Variants in PIK3C3 observed in about 807,000 individuals in gnomAD.
PIK3C3 encodes the protein PI3-kinase type 3.
In PIK3C3, 95 loss-of-function variants were observed where a neutral mutation model predicts 126.1. The ratio of observed to expected loss-of-function variants is 0.75; its 90% CI spans 0.64 to 0.89. The LOEUF (loss-of-function observed/expected upper bound fraction) is 0.89, where lower values mean the gene tolerates loss of function less well. PIK3C3 is among the 40% of genes least tolerant of loss of function. The pLI, the probability that PIK3C3 is intolerant of heterozygous loss-of-function variation, is 0.00. For missense variants in PIK3C3, 829 were observed against 1,063.2 expected, an observed-to-expected ratio of 0.78 and a Z score of 3.06; for synonymous variants, 374 against 360.0, an observed-to-expected ratio of 1.04 and a Z score of -0.44.
At chr18:42,077,749 C>T (rs1598963936) in intron 24 of PIK3C3, among the ~76,000 whole-genome samples, 1 of 152,190 alleles carries the variant, frequency 6.6e-6, no homozygotes, top group Admixed American at 6.5e-5. Flanking sequence ...GATATTTTCA[C>T]CTCCTCCTAT....
intron 10 of PIK3C3, among the ~76,000 whole-genome samples, chr18:42,012,767 T>C (rs1028911773): frequency 2.6e-5 from 4 of 152,174 alleles, no homozygotes; most frequent in Admixed American, 6.5e-5. Flanking sequence ...TTGTCACTTA[T>C]GGAAAATTTA....
chr18:42,057,811 T>A, intron 21 of PIK3C3, 72 bp from the exon 22 acceptor site: 1 of 1,296,966 alleles, frequency 7.7e-7, no homozygotes, highest in East Asian at 2.3e-5. Flanking sequence ...TTTATATCAA[T>A]TGTGTGACAT....
intron 21 of PIK3C3, among the ~76,000 whole-genome samples, chr18:42,053,576 G>A (rs1984901073): frequency 1.3e-5 from 2 of 152,062 alleles, no homozygotes; most frequent in African/African-American, 4.8e-5. Flanking sequence ...GCTAGGCTGT[G>A]GTGTGGAGTT....
At chr18:42,040,596 G>A in intron 18 of PIK3C3, 81 bp from the exon 19 acceptor site, 2 of 918,472 alleles carry the variant, frequency 2.2e-6, no homozygotes, top group East Asian at 2.5e-5. Flanking sequence ...ATTCAGAGAT[G>A]AGGATTATTC....
rs561365133 is a variant in PIK3C3, at chr18:42,065,426, G to A, written c.2523+596G>A. On this transcript the variant is annotated intron_variant, in intron 23 of 24. Transcript: ENST00000262039. ...TAAAACTAGGAAGGAAGAACAAAAT[G>A]AAAATTATGGAACTGAAAGTACAGT... Among the ~76,000 whole-genome samples the A allele has an allele frequency of 5.3e-5, 8 of 152,242 alleles. No individual in the cohort carries two copies. The East Asian group carries it at 1.5e-3, about 29-fold the overall frequency.
rs542392258 is a variant in PIK3C3 at position 42,041,841 on chromosome 18, A to AG, written c.2103+1102dup. Among the ~76,000 whole-genome samples, 308 of 152,346 alleles carry AG rather than the reference A, an allele frequency of 2.0e-3. 5 individuals are homozygous for AG. Among genetic ancestry groups the AG allele is most frequent in the Non-Finnish European group, 4.4e-4 (30 of 68,030 alleles). ...GTGCAGTGGTTAAAAGCTCAGGCTT[A>AG]GGACATCAAACTGCCTGGGATTGAA... On this transcript the variant is annotated intron_variant, in intron 19 of 24. Transcript: ENST00000262039.
chr18:42,086,152 T>A lies in PIK3C3; in HGVS notation c.*5015T>A, dbSNP rs1467750509. 6.6e-6 allele frequency: 1 copy of A among 152,148 alleles called. No homozygotes were observed. Among genetic ancestry groups the A allele is most frequent in the Admixed American group, 6.5e-5 (1 of 15,278 alleles). 9.4% of individuals were successfully genotyped at this position (152,148 alleles called of 1,614,324 possible). On this transcript the variant is annotated 3_prime_UTR_variant, in exon 25 of 25. Transcript: ENST00000262039. Reference sequence around the variant, plus strand: ...AAAAAGAATTTCACTAGAATTTATATCTTCAGTGTTTGCATTAGATTGTCA... The same window carrying A: ...AAAAAGAATTTCACTAGAATTTATAACTTCAGTGTTTGCATTAGATTGTCA...
At chr18:41,972,217 A>G (rs556707161) in intron 4 of PIK3C3, among the ~76,000 whole-genome samples, 5 of 152,038 alleles carry the variant, frequency 3.3e-5, no homozygotes, top group Admixed American at 6.6e-5. Context: ...ATGCTTGTTC[A>G]TATTTGTCTT....
At chr18:42,033,175 G>T (rs941142348) in intron 15 of PIK3C3, among the ~76,000 whole-genome samples, 8 of 152,122 alleles carry the variant, frequency 5.3e-5, no homozygotes, top group Admixed American at 3.3e-4. Context: ...AATAGAAGGG[G>T]TTCTTCTAAA....
At chr18:41,959,300 C>G (rs1979955563) in intron 2 of PIK3C3, among the ~76,000 whole-genome samples, 1 of 152,100 alleles carries the variant, frequency 6.6e-6, no homozygotes, top group African/African-American at 2.4e-5. Context: ...TAAAGGTTTT[C>G]TCCTCCTCCT....
In PIK3C3 at chr18:42,027,453, G is replaced by T; in HGVS notation, c.1495G>T (p.Val499Leu). 1 of 1,594,574 alleles carries T rather than the reference G, an allele frequency of 6.3e-7. No individual in the cohort carries two copies. Among genetic ancestry groups the T allele is most frequent in the Non-Finnish European group, 8.6e-7 (1 of 1,163,972 alleles). The change falls in exon 14 of 25, where the codon GTG becomes TTG. Residue 499 changes from valine (V) to leucine (L), a missense_variant. Around this residue, in one of 4 missense-constraint regions of PIK3C3, gnomAD observed 256 missense variants for 291.0 expected, o/e 0.88. Transcript: ENST00000262039. ...LANYLYWYVI[V>L]ECEDQDTQQR... ...CAAACTATTTTTAAGGTATGTGATA[G>T]TGGAATGTGAAGATCAAGATACTCA... is the stretch of plus-strand genomic sequence containing the variant.
intron 20 of PIK3C3, among the ~76,000 whole-genome samples, chr18:42,045,708 G>A (rs182866432): frequency 6.6e-6 from 1 of 152,256 alleles, no homozygotes; most frequent in African/African-American, 2.4e-5. Context: ...GATTTGAGGG[G>A]ACGGAATATA....
intron 4 of PIK3C3, among the ~76,000 whole-genome samples, chr18:41,974,071 A>C (rs1980797272): frequency 6.6e-6 from 1 of 152,172 alleles, no homozygotes; most frequent in Admixed American, 6.5e-5. Context: ...ACAGTTTTCA[A>C]ACTGCAGTAT....
rs972459850 is a variant in PIK3C3 at position 42,081,388 on chromosome 18, A to G, written c.*251A>G. 1 of 377,768 alleles carries G rather than the reference A, an allele frequency of 2.6e-6. No individual in the cohort carries two copies. The highest frequency in any genetic ancestry group is 4.4e-5 in the Admixed American group (1 of 22,608). 23.4% of individuals were successfully genotyped at this position (377,768 alleles called of 1,614,324 possible). On this transcript the variant is annotated 3_prime_UTR_variant, in exon 25 of 25. Transcript: ENST00000262039. ...AAATGTATACATTGTTAATAAATTA[A>G]GAAATGAGAAACATTCTTATTTATG...
chr18:41,992,877 T>A (rs1226287664), intron 6 of PIK3C3, among the ~76,000 whole-genome samples: 1 of 152,158 alleles, frequency 6.6e-6, no homozygotes, highest in East Asian at 1.9e-4. Context: ...TTGCAAATGA[T>A]GCAACACATC....
At chr18:42,021,560 A>C (rs545828717) in intron 13 of PIK3C3, among the ~76,000 whole-genome samples, 2 of 152,308 alleles carry the variant, frequency 1.3e-5, no homozygotes, top group South Asian at 4.2e-4. Context: ...TACCTTTGGG[A>C]GAATCCTTAA....
At chr18:41,961,903 A>G (rs140738217) in intron 2 of PIK3C3, among the ~76,000 whole-genome samples, 175 of 152,344 alleles carry the variant, frequency 1.1e-3, no homozygotes, top group Non-Finnish European at 2.1e-3. Context: ...CTTTGAAAGC[A>G]TAAAGCACTA....
chr18:41,973,784 AG>A (rs944199517), intron 4 of PIK3C3, among the ~76,000 whole-genome samples: 4 of 152,130 alleles, frequency 2.6e-5, no homozygotes, highest in Admixed American at 2.6e-4. Context: ...TTCATACAGA[AG>A]GAACAGAGAT....
Position 42,001,239 on chromosome 18 carries a change from C to CTATA in PIK3C3, c.985-3116_985-3113dup, listed in dbSNP as rs1555675097. 1.9e-3 allele frequency among the ~76,000 whole-genome samples: 293 copies of CTATA among 152,238 alleles called. 1 individual carries two copies. Among genetic ancestry groups the CTATA allele is most frequent in the African/African-American group, 6.5e-3 (268 of 41,538 alleles). ...ATAATAACTGATAATAAACTATTTA[C>CTATA]TATAGGATACTGTTACAAACATTTT... On this transcript the variant is annotated intron_variant, in intron 9 of 24. Coordinates refer to ENST00000262039, the MANE Select transcript of PIK3C3 (RefSeq NM_002647.4).
Sources: allele counts gnomAD v4.1 joint callset (sites outside exome capture counted in the v4.1 genomes callset), GRCh38; gene constraint gnomAD v4.1.1; regional missense constraint gnomAD v4.1.1; transcripts MANE v1.5; gene names NCBI Gene and HGNC (gene_info 2026-07-23, HGNC 2026-07-21).